XYLB: variants seen among roughly 807,000 people sequenced by gnomAD.
XYLB encodes the protein xylulokinase.
In XYLB, 62 loss-of-function variants were observed where a neutral mutation model predicts 78.7. That is an observed-to-expected ratio of 0.79 (90% CI 0.64 to 0.97). The LOEUF (loss-of-function observed/expected upper bound fraction) is 0.97, where lower values mean the gene tolerates loss of function less well. Among genes scored for constraint, XYLB ranks in the 50% least tolerant of loss-of-function variants. XYLB has a pLI of 0.00. For synonymous variants in XYLB, 245 were observed against 247.4 expected, an observed-to-expected ratio of 0.99 and a Z score of 0.09; for missense variants, 687 against 676.8, an observed-to-expected ratio of 1.02 and a Z score of -0.17.
chr3:38,346,817 G>T lies in XYLB; in HGVS notation c.-52G>T. The T allele has an allele frequency of 1.4e-6, 2 of 1,461,816 alleles. No homozygotes were observed. Among genetic ancestry groups the T allele is most frequent in the South Asian group, 1.3e-5 (1 of 75,688 alleles). The allele number at this position is 1,461,816 out of a possible 1,614,324, so 90.6% of individuals were successfully genotyped here. On this transcript the variant is annotated 5_prime_UTR_variant, in exon 1 of 19. Coordinates refer to ENST00000207870, the MANE Select transcript of XYLB (RefSeq NM_005108.4). ...GGCGCTGGAGCGCGGCGACTATCAC[G>T]CCGCGTGGCGGACGGACGGACTGAC...
rs1454654675 is a variant in XYLB at position 38,365,159 on chromosome 3, G to T, written c.292-40G>T. On this transcript the variant is annotated intron_variant, in intron 4 of 18. Transcript: ENST00000207870. ...GTGTCTTCAGGAGGCTGTGACACTGGTGTGTGGTCATGTGACCATGTGCTT... is the reference window on the plus strand; with the variant it reads ...GTGTCTTCAGGAGGCTGTGACACTGTTGTGTGGTCATGTGACCATGTGCTT... 2.5e-6 allele frequency: 4 copies of T among 1,598,410 alleles called. No individual in the cohort carries two copies. In the Admixed American group the frequency reaches 6.7e-5, roughly 27 times the overall value.
At chr3:38,399,974 G>A (rs1380366643) in intron 17 of XYLB, among the ~76,000 whole-genome samples, 2 of 152,178 alleles carry the variant, frequency 1.3e-5, no homozygotes, top group Non-Finnish European at 2.9e-5. Flanking sequence ...CACCATTCCA[G>A]TCCCTCATCC....
chr3:38,448,960 T>C, the XYLB span, among the ~76,000 whole-genome samples: 40 of 152,178 alleles, frequency 2.6e-4, no homozygotes, highest in Non-Finnish European at 5.4e-4. Context: ...CCCACACAGC[T>C]TTTGTTGCTA....
chr3:38,407,187 G>T (rs1226345907), intron 18 of XYLB, among the ~76,000 whole-genome samples: 2 of 149,092 alleles, frequency 1.3e-5, no homozygotes, highest in African/African-American at 2.5e-5. Flanking sequence ...CGGATCTCTC[G>T]GCAGAAACTC....
chr3:38,363,095 A>G (rs778782255), intron 4 of XYLB, 78 bp downstream of exon 4: 3 of 1,213,384 alleles, frequency 2.5e-6, no homozygotes, highest in Non-Finnish European at 2.2e-6. Context: ...AGAGATGGCA[A>G]CCCTTGGATG....
At chr3:38,403,538 T>C (rs1189817310) in intron 18 of XYLB, among the ~76,000 whole-genome samples, 1 of 152,026 alleles carries the variant, frequency 6.6e-6, no homozygotes, top group Non-Finnish European at 1.5e-5. Flanking sequence ...GATCAGAAGG[T>C]GACATTGGGC....
chr3:38,352,446 G>A (rs908675351), intron 2 of XYLB, among the ~76,000 whole-genome samples: 2 of 152,322 alleles, frequency 1.3e-5, no homozygotes, highest in Non-Finnish European at 2.9e-5. Context: ...AGTGAGTATA[G>A]TATGCTTTCT....
intron 2 of XYLB, chr3:38,356,022 C>T (rs1026448293): frequency 1.7e-4 from 79 of 469,146 alleles, no homozygotes; most frequent in Admixed American, 1.0e-4. Flanking sequence ...ATTACAGAGG[C>T]GGGCACATCA....
rs138618287 is a variant in XYLB, at chr3:38,398,184, C to A, written c.1438+1025C>A. Among the ~76,000 whole-genome samples the A allele has an allele frequency of 1.2e-3, 181 of 151,310 alleles. 1 individual carries two copies. The highest frequency in any genetic ancestry group is 9.1e-3 in the Admixed American group (138 of 15,220). On this transcript the variant is annotated intron_variant, in intron 17 of 18. Transcript: ENST00000207870. ...AACATATCCTTCTCTCAATAATTAA[C>A]CTTGGCCGGGTGTGGTGGCTCATGC...
chr3:38,421,529 C>T (rs191044972), downstream of XYLB, among the ~76,000 whole-genome samples: 8 of 152,250 alleles, frequency 5.3e-5, no homozygotes, highest in South Asian at 2.1e-4. Context: ...GAAATATTGC[C>T]GCTGGTTTCC....
downstream of XYLB, among the ~76,000 whole-genome samples, chr3:38,422,181 T>G (rs981781173): frequency 6.6e-5 from 10 of 152,240 alleles, no homozygotes; most frequent in Non-Finnish European, 1.2e-4. Flanking sequence ...GGATCACTTC[T>G]AGGTAGGTCT....
At chr3:38,405,931 T>G (rs1045689920) in intron 18 of XYLB, among the ~76,000 whole-genome samples, 23 of 152,238 alleles carry the variant, frequency 1.5e-4, no homozygotes, top group Non-Finnish European at 2.9e-4. Flanking sequence ...CCTGCCTGCC[T>G]CTGTAGGCTC....
At chr3:38,440,532 C>T in the XYLB span, among the ~76,000 whole-genome samples, 1 of 152,184 alleles carries the variant, frequency 6.6e-6, no homozygotes, top group Non-Finnish European at 1.5e-5. Flanking sequence ...AAGGGGGTTC[C>T]TCCTAGGTCT....
intron 2 of XYLB, among the ~76,000 whole-genome samples, chr3:38,358,162 G>A (rs1174918829): frequency 6.9e-6 from 1 of 143,892 alleles, no homozygotes; most frequent in Non-Finnish European, 1.5e-5. Flanking sequence ...CTTCTTTTCA[G>A]GTGCTCTAGA....
chr3:38,378,754 A>G (rs1437063263), intron 14 of XYLB, among the ~76,000 whole-genome samples: 2 of 150,756 alleles, frequency 1.3e-5, no homozygotes, highest in East Asian at 1.9e-4. Context: ...GTTGATGCCC[A>G]TCAGTGCTAG....
chr3:38,379,321 G>A lies in XYLB; in HGVS notation c.1270G>A (p.Glu424Lys), dbSNP rs772632559. 8 of 1,614,132 alleles carry A rather than the reference G, an allele frequency of 5.0e-6. No homozygotes were observed. Among genetic ancestry groups the A allele is most frequent in the Non-Finnish European group, 6.8e-6 (8 of 1,180,030 alleles). The change falls in exon 15 of 19, where the codon GAA becomes AAA. Residue 424 changes from glutamate (E) to lysine (K), a missense_variant. By Grantham distance (56) the Glu-to-Lys change is moderately conservative. Coordinates refer to ENST00000207870, the MANE Select transcript of XYLB (RefSeq NM_005108.4). ...GQFMAKRIHA[E>K]GLGYRVMSKT... ...ATTCATGGCCAAGAGGATTCACGCAGAAGGCCTGGGCTATCGAGTCAGTAA... is the reference window on the plus strand; with the variant it reads ...ATTCATGGCCAAGAGGATTCACGCAAAAGGCCTGGGCTATCGAGTCAGTAA...
At chr3:38,365,551 G>A in intron 5 of XYLB, 57 bp from the exon 6 acceptor site, 1 of 1,561,706 alleles carries the variant, frequency 6.4e-7, no homozygotes, top group South Asian at 1.2e-5. Flanking sequence ...CAGCCCTGGG[G>A]CAGATCTCCA....
chr3:38,385,820 T>C (rs1366365795), intron 15 of XYLB, among the ~76,000 whole-genome samples: 11 of 152,180 alleles, frequency 7.2e-5, no homozygotes, highest in Admixed American at 6.5e-4. Flanking sequence ...GTTTGGATGC[T>C]CTCTCTGGAT....
chr3:38,438,530 A>C, the XYLB span, among the ~76,000 whole-genome samples: 2 of 152,216 alleles, frequency 1.3e-5, no homozygotes, highest in African/African-American at 4.8e-5. Flanking sequence ...AGGAACCAAA[A>C]AGAGCCTGAA....
Sources: gnomAD v4.1 joint callset for allele counts (sites outside exome capture counted in the v4.1 genomes callset) on GRCh38, gnomAD v4.1.1 for gene constraint, MANE v1.5 for transcripts, NCBI Gene and HGNC (gene_info 2026-07-23, HGNC 2026-07-21) for gene names.